PXDN: variants seen among roughly 807,000 people sequenced by gnomAD.
PXDN encodes peroxidasin.
In PXDN, 77 loss-of-function variants were observed where a neutral mutation model predicts 140.3. The ratio of observed to expected loss-of-function variants is 0.55; its 90% CI spans 0.46 to 0.66. The LOEUF is 0.66. Among genes scored for constraint, PXDN ranks in the 30% least tolerant of loss-of-function variants. The probability of loss-of-function intolerance (pLI) is 0.00; values close to 1 mark genes in which losing one functional copy is unlikely to be tolerated. For missense variants in PXDN, 1,838 were observed against 2,039.5 expected, an observed-to-expected ratio of 0.90 and a Z score of 1.90; for synonymous variants, 911 against 857.4, an observed-to-expected ratio of 1.06 and a Z score of -1.09.
Position 1,740,366 on chromosome 2 carries a change from G to A in PXDN, c.200+3890C>T, listed in dbSNP as rs543839412. ...CAGGGAAGCTCCAAGGATGAACCTC[G>A]GGACCCATGTGACTCACTCAGGCGA... On this transcript the variant is annotated intron_variant, in intron 1 of 22. Transcript: ENST00000252804. Among the ~76,000 whole-genome samples, 154 of 152,232 alleles carry A rather than the reference G, an allele frequency of 1.0e-3. 1 individual carries two copies. Among genetic ancestry groups the A allele is most frequent in the African/African-American group, 3.6e-3 (149 of 41,554 alleles).
intron 14 of PXDN, among the ~76,000 whole-genome samples, chr2:1,656,027 A>C (rs1449307485): frequency 3.3e-5 from 5 of 151,754 alleles, no homozygotes; most frequent in African/African-American, 1.2e-4. Context: ...ACAGATACAC[A>C]CTACACATAC....
intron 7 of PXDN, among the ~76,000 whole-genome samples, chr2:1,678,564 A>T (rs1683785973): frequency 6.6e-6 from 1 of 152,232 alleles, no homozygotes; most frequent in Non-Finnish European, 1.5e-5. Context: ...GTGATTACGG[A>T]AGGCCATGAG....
At chr2:1,662,487 C>T (rs543618707) in intron 12 of PXDN, among the ~76,000 whole-genome samples, 2 of 152,296 alleles carry the variant, frequency 1.3e-5, no homozygotes, top group Admixed American at 1.3e-4. Context: ...GCTGCCATGT[C>T]CTCCAGCCCC....
At chr2:1,744,523 C>A (rs558039947), upstream of PXDN, 7,364 of 1,274,468 alleles carry the variant, frequency 5.8e-3, 21 homozygotes, top group Non-Finnish European at 6.8e-3. Context: ...TGCGCCCGCC[C>A]GGCCGCGGCC....
chr2:1,711,534 A>G (rs1173742734), intron 1 of PXDN, among the ~76,000 whole-genome samples: 8 of 91,282 alleles, frequency 8.8e-5, no homozygotes, highest in Admixed American at 3.7e-4. Context: ...ACCAGCATCC[A>G]CTCCACCAGC....
Position 1,634,164 on chromosome 2 carries a change from G to T in PXDN, c.*40C>A. On this transcript the variant is annotated 3_prime_UTR_variant, in exon 23 of 23. Coordinates refer to ENST00000252804, the MANE Select transcript of PXDN (RefSeq NM_012293.3). ...CCTGCCATCGGCCACCCGATCTCACGATGGCACAGCAGACAAACTCTGAGG... is the reference window on the plus strand; with the variant it reads ...CCTGCCATCGGCCACCCGATCTCACTATGGCACAGCAGACAAACTCTGAGG... 1 of 1,551,306 alleles carries T rather than the reference G, an allele frequency of 6.4e-7. No individual in the cohort carries two copies.
intron 7 of PXDN, among the ~76,000 whole-genome samples, chr2:1,679,767 G>A (rs552248050): frequency 2.0e-5 from 3 of 150,446 alleles, no homozygotes; most frequent in African/African-American, 7.4e-5. Flanking sequence ...TGTGTGGTTT[G>A]TATCTGCATG....
At chr2:1,672,526 A>C (rs982426442) in intron 9 of PXDN, among the ~76,000 whole-genome samples, 3 of 152,246 alleles carry the variant, frequency 2.0e-5, no homozygotes, top group African/African-American at 7.2e-5. Flanking sequence ...ACAGGCCCAC[A>C]GCATTCTGAA....
At chr2:1,719,834 T>TTTTGTGTG (rs1491465316) in intron 1 of PXDN, among the ~76,000 whole-genome samples, 3 of 108,268 alleles carry the variant, frequency 2.8e-5, no homozygotes, top group Non-Finnish European at 5.5e-5. Context: ...CATGCGTGCA[T>TTTTGTGTG]TGTGTGTGTG....
rs2125425351 is a variant in PXDN at position 1,663,604 on chromosome 2, C to T, written c.1567+1G>A. The T allele has an allele frequency of 6.2e-7, 1 of 1,613,942 alleles. No homozygotes were observed. The highest frequency in any genetic ancestry group is 1.1e-5 in the South Asian group (1 of 91,084). On this transcript the variant is annotated splice_donor_variant, in intron 12 of 22. Coordinates refer to ENST00000252804, the MANE Select transcript of PXDN (RefSeq NM_012293.3). LOFTEE classifies it high-confidence loss of function. ...TCAGTCCACAACCTCCTGGCACCTA[C>T]CTCTGGGCTGCACAGTCAGGTGGGC...
intron 19 of PXDN, among the ~76,000 whole-genome samples, chr2:1,641,858 C>A (rs534811744): frequency 6.6e-6 from 1 of 152,276 alleles, no homozygotes; most frequent in East Asian, 1.9e-4. Context: ...GTAAAGTTAT[C>A]AGAAAATGGG....
rs769856079 is a variant in PXDN, at chr2:1,635,502, C to T, written c.4226G>A (p.Arg1409Gln). The change falls in exon 22 of 23, where the codon CGG becomes CAG. Residue 1409 changes from arginine (R) to glutamine (Q), a missense_variant. This residue lies in a region of PXDN where 850 missense variants were observed against 894.1 expected (regional missense o/e 0.95). Transcript: ENST00000252804. ...LRTQIKKLES[R>Q]LSTTECVDAG... ...ATCCACGCACTCTGTGGTACTGAGCCGTGATTCAAGTTTCTTTATCTGCAG... is the reference window on the plus strand; with the variant it reads ...ATCCACGCACTCTGTGGTACTGAGCTGTGATTCAAGTTTCTTTATCTGCAG... The T allele has an allele frequency of 2.3e-5, 36 of 1,592,204 alleles. No homozygotes were observed. The South Asian group carries it at 2.4e-4, about 11-fold the overall frequency.
intron 1 of PXDN, among the ~76,000 whole-genome samples, chr2:1,738,544 T>C (rs1434526317): frequency 7.7e-6 from 1 of 130,404 alleles, no homozygotes; most frequent in Non-Finnish European, 1.6e-5. Context: ...TGCAAGTTGA[T>C]CTTCAAACTT....
rs76296559 is a variant in PXDN, at chr2:1,670,564, T to C, written c.1018+3079A>G. ...TAATCAAATATTTAAGTATAAATTA[T>C]AAAAAATACAGAAATGACATTTAAT... On this transcript the variant is annotated intron_variant, in intron 9 of 22. Transcript: ENST00000252804. 9.2e-3 allele frequency among the ~76,000 whole-genome samples: 1,405 copies of C among 152,282 alleles called. 24 individuals are homozygous for C. The highest frequency in any genetic ancestry group is 0.032 in the African/African-American group (1,320 of 41,562).
chr2:1,673,026 C>T (rs9679501), intron 9 of PXDN, among the ~76,000 whole-genome samples: 4,182 of 152,250 alleles, frequency 0.027, 188 homozygotes, highest in African/African-American at 0.096. Context: ...TGCCTCAATC[C>T]GCTGTTCTTC....
chr2:1,728,310 C>T (rs1239605573), intron 1 of PXDN, among the ~76,000 whole-genome samples: 1 of 152,224 alleles, frequency 6.6e-6, no homozygotes, highest in South Asian at 2.1e-4. Context: ...TTGAGGCGGT[C>T]ACACGGCAAG....
Position 1,635,427 on chromosome 2 carries a change from C to T in PXDN, c.4301G>A (p.Cys1434Tyr). The T allele has an allele frequency of 6.3e-7, 1 of 1,593,352 alleles. No homozygotes were observed. The highest frequency in any genetic ancestry group is 8.6e-7 in the Non-Finnish European group (1 of 1,168,642). ...ANNTKWKKDA[C>Y]TICECKDGQV... Reference sequence around the variant, plus strand: ...ACTCACTTTGCATTCACAAATGGTGCATGCATCTTTTTTCCACTTGGTGTT... The same window carrying T: ...ACTCACTTTGCATTCACAAATGGTGTATGCATCTTTTTTCCACTTGGTGTT... The change falls in exon 22 of 23, where the codon TGC becomes TAC. Residue 1434 changes from cysteine to tyrosine, a missense_variant. By Grantham distance (194) the Cys-to-Tyr change is radical (BLOSUM62 -2). This residue lies in a region of PXDN where 850 missense variants were observed against 894.1 expected (regional missense o/e 0.95). Coordinates refer to ENST00000252804, the MANE Select transcript of PXDN (RefSeq NM_012293.3).
intron 18 of PXDN, 125 bp downstream of exon 18, chr2:1,644,493 G>T (rs1207926197): frequency 4.5e-5 from 51 of 1,129,198 alleles, no homozygotes; most frequent in Non-Finnish European, 5.6e-5. Context: ...ATTCTCAACC[G>T]GGGACACACA....
Position 1,635,553 on chromosome 2 carries a change from G to A in PXDN, c.4207-32C>T, listed in dbSNP as rs1430758617. ...CAATGCAAAGAACATTCATTCATTG[G>A]GCACTTCAGAGTAACAGCTTGGCTC... is the stretch of plus-strand genomic sequence containing the variant. On this transcript the variant is annotated intron_variant, in intron 21 of 22. Transcript: ENST00000252804. 6.1e-6 allele frequency: 9 copies of A among 1,483,862 alleles called. 1 individual carries two copies. 91.9% of individuals were successfully genotyped at this position (1,483,862 alleles called of 1,614,324 possible). A position where few individuals can be genotyped will look rare whatever the true frequency, so the allele number is the denominator to read the frequency against.
Sources: allele counts gnomAD v4.1 joint callset (sites outside exome capture counted in the v4.1 genomes callset), GRCh38; gene constraint gnomAD v4.1.1; regional missense constraint gnomAD v4.1.1; transcripts MANE v1.5; gene names NCBI Gene and HGNC (gene_info 2026-07-23, HGNC 2026-07-21).